The following FEZ2 variants were observed in gnomAD, a reference collection of about 807,000 sequenced individuals.
The protein encoded by FEZ2 is fasciculation and elongation protein zeta 2.
A neutral mutation model predicts 40.4 loss-of-function variants in FEZ2; 51 were observed. The observed-to-expected ratio is 1.26, with a 90% CI of 1.01 to 1.59. FEZ2 has a LOEUF of 1.59. Among genes scored for constraint, FEZ2 ranks in the 40% most tolerant of loss-of-function variants. FEZ2 has a pLI of 0.00. For synonymous variants in FEZ2, 242 were observed against 172.0 expected, an observed-to-expected ratio of 1.41 and a Z score of -3.18; for missense variants, 640 against 438.3, an observed-to-expected ratio of 1.46 and a Z score of -4.11.
chr2:36,597,802 G>C, intron 1 of FEZ2, 75 bp downstream of exon 1: 1 of 993,004 alleles, frequency 1.0e-6, no homozygotes, highest in Non-Finnish European at 1.2e-6. Context: ...GGGAGGAGCT[G>C]CGGCCGTAGG....
rs182594318 is a variant in FEZ2, at chr2:36,566,403, G to A, written c.904-7890C>T. ...AGGTAGAGTGCACAAGATCTAAAGAGAAACAATAAAGAAAGAAAAATGAAA... is the reference window on the plus strand; with the variant it reads ...AGGTAGAGTGCACAAGATCTAAAGAAAAACAATAAAGAAAGAAAAATGAAA... On this transcript the variant is annotated intron_variant, in intron 5 of 7. Transcript: ENST00000405912. Among the ~76,000 whole-genome samples, 8 of 150,444 alleles carry A rather than the reference G, an allele frequency of 5.3e-5. No individual in the cohort carries two copies. In the East Asian group the frequency reaches 1.6e-3, roughly 29 times the overall value.
intron 3 of FEZ2, among the ~76,000 whole-genome samples, chr2:36,581,942 C>T (rs963137274): frequency 2.0e-5 from 3 of 151,886 alleles, no homozygotes; most frequent in Non-Finnish European, 4.4e-5. Flanking sequence ...ATTCTTTCAA[C>T]AGCAGAAAAA....
At chr2:36,594,059 T>C (rs1040678500) in intron 1 of FEZ2, among the ~76,000 whole-genome samples, 1 of 151,992 alleles carries the variant, frequency 6.6e-6, no homozygotes, top group Non-Finnish European at 1.5e-5. Flanking sequence ...CCAGTTCTCT[T>C]TGCCAAAACA....
At chr2:36,556,011 C>G (rs1425564557) in intron 6 of FEZ2, 2 of 592,414 alleles carry the variant, frequency 3.4e-6, no homozygotes, top group African/African-American at 1.8e-5. Context: ...AATTTCCAAA[C>G]AGTGGAGACA....
intron 4 of FEZ2, chr2:36,579,119 G>C (rs1480294897): frequency 2.4e-6 from 1 of 410,086 alleles, no homozygotes; most frequent in African/African-American, 2.0e-5. Context: ...TCTAACAAAA[G>C]TTTTTACTTG....
intron 7 of FEZ2, among the ~76,000 whole-genome samples, chr2:36,555,108 C>T (rs1281806095): frequency 3.3e-5 from 5 of 152,194 alleles, no homozygotes; most frequent in Non-Finnish European, 7.3e-5. Flanking sequence ...TCTTTTGCCT[C>T]ATCAATATTC....
intron 5 of FEZ2, among the ~76,000 whole-genome samples, chr2:36,572,269 A>G (rs1306418257): frequency 6.6e-6 from 1 of 152,200 alleles, no homozygotes; most frequent in Non-Finnish European, 1.5e-5. Context: ...CGTAGCTTGG[A>G]GATTGGCTGG....
At chr2:36,572,919 C>T (rs1312699301) in intron 5 of FEZ2, among the ~76,000 whole-genome samples, 1 of 152,056 alleles carries the variant, frequency 6.6e-6, no homozygotes, top group Non-Finnish European at 1.5e-5. Context: ...TAGCTCTCCC[C>T]CATCCTTCAG....
intron 1 of FEZ2, 43 bp from the exon 2 acceptor site, chr2:36,591,054 GTA>G (rs1005467601): frequency 2.5e-6 from 3 of 1,193,240 alleles, no homozygotes; most frequent in South Asian, 1.2e-5. Flanking sequence ...TTAACATTCT[GTA>G]TGTCTTTCTT....
At chr2:36,563,661 A>G (rs1668154082) in intron 5 of FEZ2, among the ~76,000 whole-genome samples, 1 of 151,920 alleles carries the variant, frequency 6.6e-6, no homozygotes, top group African/African-American at 2.4e-5. Context: ...CTCCCTCTCT[A>G]CTAGCTCCTT....
intron 5 of FEZ2, among the ~76,000 whole-genome samples, chr2:36,567,623 G>A (rs774666469): frequency 2.0e-5 from 3 of 152,060 alleles, no homozygotes; most frequent in Non-Finnish European, 2.9e-5. Context: ...TTAGCCAGAC[G>A]TGGTGGCGGG....
intron 5 of FEZ2, among the ~76,000 whole-genome samples, chr2:36,568,913 T>A (rs1386080276): frequency 1.3e-5 from 2 of 152,084 alleles, no homozygotes; most frequent in African/African-American, 2.4e-5. Flanking sequence ...GGATATAGAT[T>A]TATAAAAATT....
intron 7 of FEZ2, among the ~76,000 whole-genome samples, chr2:36,554,012 T>TC (rs1200312614): frequency 6.6e-6 from 1 of 152,146 alleles, no homozygotes; most frequent in Non-Finnish European, 1.5e-5. Context: ...CACATTGCAC[T>TC]CCCGTCTTCA....
At chr2:36,562,415 A>G (rs1668118059) in intron 5 of FEZ2, among the ~76,000 whole-genome samples, 1 of 152,220 alleles carries the variant, frequency 6.6e-6, no homozygotes, top group African/African-American at 2.4e-5. Flanking sequence ...TGTATCAGTC[A>G]TGTAACTCTA....
chr2:36,584,557 C>G (rs367966111), intron 2 of FEZ2, among the ~76,000 whole-genome samples: 1 of 152,224 alleles, frequency 6.6e-6, no homozygotes, highest in African/African-American at 2.4e-5. Flanking sequence ...TTGAATGGAA[C>G]TGAAACTAGA....
chr2:36,559,111 C>T (rs1169729448), intron 5 of FEZ2: 2 of 152,030 alleles, frequency 1.3e-5, no homozygotes, highest in South Asian at 2.1e-4. Flanking sequence ...TCATTGTAAA[C>T]GTTTTTAGGC....
At chr2:36,590,695 A>G (rs1196875150) in intron 2 of FEZ2, 2 of 488,728 alleles carry the variant, frequency 4.1e-6, no homozygotes, top group Admixed American at 7.8e-5. Flanking sequence ...CTACACATAA[A>G]AAATGAGTGT....
At chr2:36,591,801 T>C (rs931742039) in intron 1 of FEZ2, among the ~76,000 whole-genome samples, 3 of 151,998 alleles carry the variant, frequency 2.0e-5, no homozygotes, top group African/African-American at 7.3e-5. Context: ...AAATAACGAG[T>C]CATTGGCCAG....
chr2:36,566,770 G>A (rs1668252369), intron 5 of FEZ2, among the ~76,000 whole-genome samples: 2 of 152,162 alleles, frequency 1.3e-5, no homozygotes, highest in Non-Finnish European at 2.9e-5. Context: ...GCCACTAATT[G>A]TGTGACAGGA....
Sources: allele counts gnomAD v4.1 joint callset (sites outside exome capture counted in the v4.1 genomes callset), GRCh38; gene constraint gnomAD v4.1.1; transcripts MANE v1.5; gene names NCBI Gene and HGNC (gene_info 2026-07-23, HGNC 2026-07-21).